The following WDR59 variants were observed in gnomAD, a reference collection of about 807,000 sequenced individuals.
WDR59 encodes GATOR2 complex protein WDR59.
A neutral mutation model predicts 131.2 loss-of-function variants in WDR59; 100 were observed. The observed-to-expected ratio is 0.76, with a 90% confidence interval of 0.65 to 0.90. The LOEUF is 0.90. Among genes scored for constraint, WDR59 ranks in the 40% least tolerant of loss-of-function variants. The pLI, the probability that WDR59 is intolerant of heterozygous loss-of-function variation, is 0.00. For synonymous variants in WDR59, 601 were observed against 466.2 expected, an observed-to-expected ratio of 1.29 and a Z score of -3.72; for missense variants, 1,203 against 1,262.2, an observed-to-expected ratio of 0.95 and a Z score of 0.71.
At chr16:74,887,403 A>G (rs948081585) in intron 23 of WDR59, among the ~76,000 whole-genome samples, 2 of 152,122 alleles carry the variant, frequency 1.3e-5, no homozygotes, top group African/African-American at 4.8e-5. Context: ...AGGAGAAAGG[A>G]TAAGGGTTAG....
At chr16:74,892,853 A>G (rs904715788) in intron 19 of WDR59, among the ~76,000 whole-genome samples, 3 of 152,230 alleles carry the variant, frequency 2.0e-5, no homozygotes, top group African/African-American at 7.2e-5. Flanking sequence ...CAGCTTTTCT[A>G]TGGAGTTCCC....
At chr16:74,982,278 C>A (rs1171672952) in intron 1 of WDR59, among the ~76,000 whole-genome samples, 5 of 151,852 alleles carry the variant, frequency 3.3e-5, no homozygotes, top group Non-Finnish European at 7.4e-5. Context: ...GGTTCCTGCC[C>A]CTTCCAATCA....
chr16:74,976,112 A>G (rs1448075313), intron 1 of WDR59, among the ~76,000 whole-genome samples: 3 of 152,238 alleles, frequency 2.0e-5, no homozygotes, highest in African/African-American at 7.2e-5. Context: ...TTCAAAATGA[A>G]CATTGTATGA....
chr16:74,909,788 G>C (rs748008170), intron 15 of WDR59, 34 bp downstream of exon 15: 3 of 1,597,576 alleles, frequency 1.9e-6, no homozygotes, highest in Non-Finnish European at 2.6e-6. Context: ...AAACACCAAA[G>C]CCTAAGTTGG....
chr16:74,934,940 C>G lies in WDR59; in HGVS notation c.651+3210G>C, dbSNP rs1039976337. On this transcript the variant is annotated intron_variant, in intron 8 of 25. Coordinates refer to ENST00000262144, the MANE Select transcript of WDR59 (RefSeq NM_030581.4). Reference sequence around the variant, plus strand: ...CTACATGTTTCTCACCAGAATGTAGCAAGGGTGGTCGGGCATGGTGGCTCA... The same window carrying G: ...CTACATGTTTCTCACCAGAATGTAGGAAGGGTGGTCGGGCATGGTGGCTCA... 1.3e-5 allele frequency among the ~76,000 whole-genome samples: 2 copies of G among 151,830 alleles called. 1 individual carries two copies. Among genetic ancestry groups the G allele is most frequent in the South Asian group, 4.2e-4 (2 of 4,804 alleles).
intron 1 of WDR59, among the ~76,000 whole-genome samples, chr16:74,970,524 A>AAAAAAAAAAAAAAC (rs2033941393): frequency 6.8e-6 from 1 of 146,736 alleles, no homozygotes; most frequent in African/African-American, 2.6e-5. Context: ...AAAAAAAAAA[A>AAAAAAAAAAAAAAC]AAAGCAGCTC....
intron 18 of WDR59, among the ~76,000 whole-genome samples, chr16:74,903,195 G>T (rs543299269): frequency 6.6e-6 from 1 of 152,140 alleles, no homozygotes; most frequent in Non-Finnish European, 1.5e-5. Flanking sequence ...CCCACTGAGC[G>T]AGAGATAACA....
intron 25 of WDR59, among the ~76,000 whole-genome samples, chr16:74,879,903 G>A (rs1405263729): frequency 1.3e-5 from 2 of 152,044 alleles, no homozygotes; most frequent in Non-Finnish European, 1.5e-5. Context: ...GAGTCTGCTG[G>A]GGCTGGGTGT....
chr16:74,944,844 C>T (rs1419057839), intron 6 of WDR59, among the ~76,000 whole-genome samples: 1 of 152,130 alleles, frequency 6.6e-6, no homozygotes, highest in African/African-American at 2.4e-5. Flanking sequence ...AAAAAAAGAA[C>T]CACTTTCAGC....
rs939641777 is a variant in WDR59 at position 74,924,108 on chromosome 16, C to T, written c.652-105G>A. The T allele has an allele frequency of 1.7e-5, 18 of 1,090,262 alleles. No individual in the cohort carries two copies. In the Admixed American group the frequency reaches 3.4e-4, roughly 20 times the overall value. 67.5% of individuals were successfully genotyped at this position (1,090,262 alleles called of 1,614,324 possible). The stretch of plus-strand genomic sequence containing the variant: ...CATTGCTTCTGGTCCTCTAAAGATA[C>T]ACTTCAACAACATATTTTTAGTTCA... On this transcript the variant is annotated intron_variant, in intron 8 of 25. Coordinates refer to ENST00000262144, the MANE Select transcript of WDR59 (RefSeq NM_030581.4).
At chr16:74,897,331 G>T (rs1329604911) in intron 18 of WDR59, among the ~76,000 whole-genome samples, 3 of 152,196 alleles carry the variant, frequency 2.0e-5, no homozygotes, top group Admixed American at 2.0e-4. Flanking sequence ...TTTGGGGTTT[G>T]TTAGGATTAG....
At chr16:74,905,438 T>C (rs1324172206) in intron 17 of WDR59, among the ~76,000 whole-genome samples, 2 of 151,194 alleles carry the variant, frequency 1.3e-5, no homozygotes, top group African/African-American at 4.9e-5. Context: ...TCCCAGCACT[T>C]TGGAAGGCTG....
At chr16:74,924,024 T>A in intron 8 of WDR59, 21 bp from the exon 9 acceptor site, 2 of 1,610,418 alleles carry the variant, frequency 1.2e-6, no homozygotes, top group African/African-American at 1.3e-5. Context: ...GCAAGCAAGA[T>A]CATTTGTGAA....
At chr16:74,947,548 G>T (rs540724198) in intron 6 of WDR59, among the ~76,000 whole-genome samples, 1 of 152,114 alleles carries the variant, frequency 6.6e-6, no homozygotes, top group Non-Finnish European at 1.5e-5. Flanking sequence ...CCACTTACAG[G>T]TATGGACTTT....
intron 8 of WDR59, among the ~76,000 whole-genome samples, chr16:74,930,037 C>T (rs555434809): frequency 6.6e-5 from 10 of 151,936 alleles, no homozygotes; most frequent in African/African-American, 2.4e-4. Context: ...GGCTGGGAAG[C>T]GTAGTGGGGT....
In WDR59 at chr16:74,985,064, C is replaced by A; in HGVS notation, c.-47G>T. On this transcript the variant is annotated 5_prime_UTR_variant, in exon 1 of 26. Transcript: ENST00000262144. The stretch of plus-strand genomic sequence containing the variant: ...GCCCCAGGACGGCGCCCTCCCACCC[C>A]GCCGTCCCCAGTATCCCGGGACCGT... The A allele has an allele frequency of 1.3e-6, 2 of 1,532,072 alleles. No individual in the cohort carries two copies. The highest frequency in any genetic ancestry group is 1.8e-6 in the Non-Finnish European group (2 of 1,129,786). 94.9% of individuals were successfully genotyped at this position (1,532,072 alleles called of 1,614,324 possible).
In WDR59 at chr16:74,909,711, T is replaced by C. The variant is rs1567709563; in HGVS notation, c.1486-54A>G. 6 of 1,552,396 alleles carry C rather than the reference T, an allele frequency of 3.9e-6. No individual in the cohort carries two copies. The East Asian group carries it at 9.1e-5, about 23-fold the overall frequency. ...ACCACAACCTGTCTTAAAGCTGAAC[T>C]ACAAAATAAAGACCCAGTATGACAA... On this transcript the variant is annotated intron_variant, in intron 15 of 25. Transcript: ENST00000262144.
chr16:74,896,348 G>A, intron 18 of WDR59, among the ~76,000 whole-genome samples: 1 of 152,128 alleles, frequency 6.6e-6, no homozygotes, highest in Admixed American at 6.5e-5. Flanking sequence ...AATAACCATG[G>A]GCCAAGTGCA....
At chr16:74,910,056 C>T (rs1966012301) in intron 14 of WDR59, 139 bp from the exon 15 acceptor site, 2 of 672,138 alleles carry the variant, frequency 3.0e-6, no homozygotes, top group Non-Finnish European at 2.4e-6. Flanking sequence ...CAACCTCTGC[C>T]TCCCGTCTTC....
Sources: allele counts gnomAD v4.1 joint callset (sites outside exome capture counted in the v4.1 genomes callset), GRCh38; gene constraint gnomAD v4.1.1; transcripts MANE v1.5; gene names NCBI Gene and HGNC (gene_info 2026-07-23, HGNC 2026-07-21).